RNF220: variants seen among roughly 807,000 people sequenced by gnomAD.
The protein encoded by RNF220 is ring finger protein 220.
A neutral mutation model predicts 67.1 loss-of-function variants in RNF220; 7 were observed. The observed-to-expected ratio is 0.10, with a 90% CI of 0.06 to 0.20. The LOEUF (loss-of-function observed/expected upper bound fraction) is 0.20, where lower values mean the gene tolerates loss of function less well. Among genes scored for constraint, RNF220 ranks in the 10% least tolerant of loss-of-function variants. RNF220 has a pLI of 1.00. For missense variants in RNF220, 565 were observed against 740.3 expected (o/e 0.76, Z 2.75); for synonymous variants, 270 against 283.2 (o/e 0.95, Z 0.47).
chr1:44,415,867 T>C (rs1648480031), intron 2 of RNF220, among the ~76,000 whole-genome samples: 1 of 152,232 alleles, frequency 6.6e-6, no homozygotes, highest in Non-Finnish European at 1.5e-5. Flanking sequence ...TGCAGATATG[T>C]CCACTTGTGA....
At chr1:44,495,596 C>T (rs1657274616) in intron 2 of RNF220, among the ~76,000 whole-genome samples, 1 of 152,074 alleles carries the variant, frequency 6.6e-6, no homozygotes, top group Non-Finnish European at 1.5e-5. Flanking sequence ...CCACCATGTC[C>T]AGCTAATTTT....
At chr1:44,437,142 G>T (rs557992574) in intron 2 of RNF220, among the ~76,000 whole-genome samples, 1 of 152,312 alleles carries the variant, frequency 6.6e-6, no homozygotes, top group African/African-American at 2.4e-5. Context: ...ATGGCAAATG[G>T]AATAGCACGC....
Position 44,600,461 on chromosome 1 carries a change from G to A in RNF220, c.626-13704G>A, listed in dbSNP as rs564767678. 1.0e-3 allele frequency among the ~76,000 whole-genome samples: 159 copies of A among 152,118 alleles called. No individual in the cohort carries two copies. Among genetic ancestry groups the A allele is most frequent in the Admixed American group, 2.0e-3 (30 of 15,258 alleles). On this transcript the variant is annotated intron_variant, in intron 2 of 14. Transcript: ENST00000361799. The surrounding 1 kb of genome is among the most constrained non-coding windows in gnomAD (Gnocchi z 4.0). ...TAAGTCCCACACAGCCACTTACCTC[G>A]TAACCATGGGCAAACTAAGAACTTC...
At chr1:44,408,156 C>A (rs1647579895) in intron 1 of RNF220, among the ~76,000 whole-genome samples, 1 of 152,150 alleles carries the variant, frequency 6.6e-6, no homozygotes, top group Non-Finnish European at 1.5e-5. Flanking sequence ...CCTCTTCTTC[C>A]CCCGTTTTCC....
chr1:44,444,388 A>G (rs1651867881), intron 2 of RNF220, among the ~76,000 whole-genome samples: 3 of 151,780 alleles, frequency 2.0e-5, no homozygotes. Flanking sequence ...TATTGCATGT[A>G]GTTAGAGTTC....
At chr1:44,578,425 C>T (rs957108042) in intron 2 of RNF220, among the ~76,000 whole-genome samples, 18 of 152,292 alleles carry the variant, frequency 1.2e-4, no homozygotes, top group African/African-American at 3.4e-4. Flanking sequence ...CATGAGCTAC[C>T]GCGCCTGGCC....
chr1:44,420,549 A>G (rs1649094306), intron 2 of RNF220, among the ~76,000 whole-genome samples: 1 of 152,212 alleles, frequency 6.6e-6, no homozygotes, highest in Admixed American at 6.5e-5. Context: ...AGAGTGGCCT[A>G]GCATAATAAA....
At chr1:44,486,204 A>AAAAG in intron 2 of RNF220, among the ~76,000 whole-genome samples, 1 of 152,040 alleles carries the variant, frequency 6.6e-6, no homozygotes, top group East Asian at 1.9e-4. Flanking sequence ...AATGTTCAGA[A>AAAAG]AGAGCATTCG....
intron 2 of RNF220, among the ~76,000 whole-genome samples, chr1:44,483,085 C>T (rs538017908): frequency 1.5e-3 from 224 of 152,112 alleles, no homozygotes; most frequent in Non-Finnish European, 2.6e-3. Context: ...TGCACACCAT[C>T]GCGCCTGGCT....
In RNF220 at chr1:44,566,447, G is replaced by C. The variant is rs565459858; in HGVS notation, c.626-47718G>C. 9.5e-4 allele frequency among the ~76,000 whole-genome samples: 144 copies of C among 152,340 alleles called. 1 individual carries two copies. The highest frequency in any genetic ancestry group is 7.3e-5 in the Non-Finnish European group (5 of 68,036). ...GCACCCTAGCCTATGGAGCATGGAA[G>C]AGACCAGAAGACAGGCTCTGGAGCT... On this transcript the variant is annotated intron_variant, in intron 2 of 14. Coordinates refer to ENST00000361799, the MANE Select transcript of RNF220 (RefSeq NM_018150.4).
At chr1:44,537,164 C>T (rs112841821) in intron 2 of RNF220, among the ~76,000 whole-genome samples, 1 of 152,234 alleles carries the variant, frequency 6.6e-6, no homozygotes, top group East Asian at 1.9e-4. Context: ...TCTTCTACCC[C>T]CTGCATACAC....
chr1:44,533,320 A>C (rs1660967773), intron 2 of RNF220, among the ~76,000 whole-genome samples: 1 of 151,986 alleles, frequency 6.6e-6, no homozygotes, highest in Non-Finnish European at 1.5e-5. Flanking sequence ...GTGAGACCTC[A>C]TCTCTAAAAA....
At chr1:44,465,442 T>A (rs895009871) in intron 2 of RNF220, among the ~76,000 whole-genome samples, 9 of 97,256 alleles carry the variant, frequency 9.3e-5, no homozygotes, top group African/African-American at 2.9e-4. Context: ...ATGTGCCATT[T>A]TTTTTTTTTT....
intron 2 of RNF220, chr1:44,419,982 C>G (rs1461499139): frequency 6.6e-6 from 1 of 152,210 alleles, no homozygotes; most frequent in African/African-American, 2.4e-5. Context: ...TCCACACATA[C>G]GGATCTGCTT....
intron 2 of RNF220, among the ~76,000 whole-genome samples, chr1:44,478,357 T>TA (rs1655473881): frequency 1.3e-5 from 2 of 151,898 alleles, no homozygotes; most frequent in Admixed American, 6.6e-5. Flanking sequence ...CCTAAGAACT[T>TA]AAAAAAATCC....
chr1:44,411,235 C>T (rs367740475), intron 1 of RNF220, among the ~76,000 whole-genome samples: 3 of 152,196 alleles, frequency 2.0e-5, no homozygotes, highest in South Asian at 4.1e-4. Context: ...TTGTCAGAGA[C>T]GCCAGGCATT....
At chr1:44,516,570 C>A (rs1659465104) in intron 2 of RNF220, among the ~76,000 whole-genome samples, 1 of 151,682 alleles carries the variant, frequency 6.6e-6, no homozygotes, top group Non-Finnish European at 1.5e-5. Flanking sequence ...TAGCTGTGTG[C>A]AGTGTATAAG....
chr1:44,551,770 C>T (rs1192458672), intron 2 of RNF220, among the ~76,000 whole-genome samples: 3 of 152,202 alleles, frequency 2.0e-5, no homozygotes, highest in Non-Finnish European at 4.4e-5. Flanking sequence ...CTAGGTTATA[C>T]ATCCTAAGAC....
chr1:44,502,431 T>C (rs2148091362), intron 2 of RNF220, among the ~76,000 whole-genome samples: 1 of 152,278 alleles, frequency 6.6e-6, no homozygotes, highest in South Asian at 2.1e-4. Context: ...AAAGAGAATA[T>C]AAAAATGGGA....
Sources: gnomAD v4.1 joint callset for allele counts (sites outside exome capture counted in the v4.1 genomes callset) on GRCh38, gnomAD v4.1.1 for gene constraint, Gnocchi (gnomAD v3.1) non-coding constraint, MANE v1.5 for transcripts, NCBI Gene and HGNC (gene_info 2026-07-23, HGNC 2026-07-21) for gene names.